Variants in ZFPM2 observed in about 807,000 individuals in gnomAD.
ZFPM2 encodes the protein zinc finger protein, FOG family member 2.
ZFPM2 carries 20 observed loss-of-function variants against 98.6 expected under a neutral mutation model. The observed-to-expected ratio is 0.20, with a 90% CI of 0.14 to 0.29. The LOEUF (loss-of-function observed/expected upper bound fraction) is 0.29, where lower values mean the gene tolerates loss of function less well. Ranked by LOEUF, ZFPM2 falls within the 10% of genes least tolerant of loss-of-function variation. ZFPM2 has a pLI of 1.00. For missense variants in ZFPM2, 1,310 were observed against 1,388.6 expected (o/e 0.94, Z 0.90); for synonymous variants, 518 against 502.7 (o/e 1.03, Z -0.41).
At position 105,802,171 on chromosome 8, in the gene ZFPM2, A is replaced by T. The variant is rs1206976886; in HGVS notation, c.2089A>T (p.Ser697Cys). 6.2e-7 allele frequency: 1 copy of T among 1,613,978 alleles called. No individual in the cohort carries two copies. ...TTCEACNITF[S>C]RHETYMVHKQ... ...CTGTGAAGCTTGCAACATTACCTTC[A>T]GCCGGCACGAAACATACATGGTCCA... The change falls in exon 8 of 8, where the codon AGC becomes TGC. Residue 697 changes from serine (S) to cysteine (C), a missense_variant. By Grantham distance (112) the Ser-to-Cys change is moderately radical (BLOSUM62 -1). Coordinates refer to ENST00000407775, the MANE Select transcript of ZFPM2 (RefSeq NM_012082.4).
At chr8:105,510,162 C>T (rs1169035009) in intron 3 of ZFPM2, among the ~76,000 whole-genome samples, 1 of 152,096 alleles carries the variant, frequency 6.6e-6, no homozygotes, top group Admixed American at 6.6e-5. Context: ...CCTTCTTTTT[C>T]CTTTGCTACA....
At chr8:105,683,185 A>G (rs1399072341) in intron 5 of ZFPM2, among the ~76,000 whole-genome samples, 1 of 152,032 alleles carries the variant, frequency 6.6e-6, no homozygotes, top group Non-Finnish European at 1.5e-5. Flanking sequence ...GGATTTCAAC[A>G]TAAGAATTTT....
intron 5 of ZFPM2, among the ~76,000 whole-genome samples, chr8:105,717,470 G>T (rs1409174530): frequency 6.6e-6 from 1 of 151,834 alleles, no homozygotes; most frequent in South Asian, 2.1e-4. Context: ...ATCTCTGATT[G>T]GTTATTTAGC....
At chr8:105,534,326 C>T (rs1256920566) in intron 3 of ZFPM2, among the ~76,000 whole-genome samples, 3 of 117,322 alleles carry the variant, frequency 2.6e-5, no homozygotes, top group Non-Finnish European at 5.1e-5. Context: ...TTCCTTCTTT[C>T]TCCCTCACTC....
intron 1 of ZFPM2, among the ~76,000 whole-genome samples, chr8:105,373,429 G>GT (rs1045012041): frequency 6.6e-6 from 1 of 151,832 alleles, no homozygotes; most frequent in African/African-American, 2.4e-5. Context: ...GAGTAAGATC[G>GT]TTTTTTTCTC....
At chr8:105,444,234 A>T in intron 2 of ZFPM2, 46 bp from the exon 3 acceptor site, 2 of 1,470,016 alleles carry the variant, frequency 1.4e-6, no homozygotes, top group Middle Eastern at 1.7e-4. Flanking sequence ...TGTGAAAGAG[A>T]GAGCTTTGCT....
intron 5 of ZFPM2, among the ~76,000 whole-genome samples, chr8:105,753,932 A>G (rs2131058252): frequency 6.6e-6 from 1 of 152,280 alleles, no homozygotes; most frequent in East Asian, 1.9e-4. Context: ...TATCATTGTT[A>G]GCATTTCTAG....
In ZFPM2 at chr8:105,571,300, G is replaced by T. The variant is rs141348856; in HGVS notation, c.420+9819G>T. Among the ~76,000 whole-genome samples the T allele has an allele frequency of 4.8e-3, 732 of 152,276 alleles. 5 individuals carry two copies. Among genetic ancestry groups the T allele is most frequent in the Non-Finnish European group, 8.5e-3 (580 of 68,012 alleles). ...ATCATGAAGGCCTAAGGTGGAAGTG[G>T]GTGGATATATAGCATCCCTGCCTCT... On this transcript the variant is annotated intron_variant, in intron 4 of 7. Coordinates refer to ENST00000407775, the MANE Select transcript of ZFPM2 (RefSeq NM_012082.4).
In ZFPM2 at chr8:105,352,553, C is replaced by T. The variant is rs192725832; in HGVS notation, c.40+33572C>T. 3.4e-3 allele frequency among the ~76,000 whole-genome samples: 519 copies of T among 150,912 alleles called. 2 individuals are homozygous for T. The highest frequency in any genetic ancestry group is 5.2e-3 in the Admixed American group (79 of 15,152). ...CATTGTTTTTTCAGTTCTTTTGGCA[C>T]GACTAAAAGACATCCAGAAGTTCCC... On this transcript the variant is annotated intron_variant, in intron 1 of 7. Transcript: ENST00000407775.
chr8:105,570,438 C>T (rs1000229259), intron 4 of ZFPM2, among the ~76,000 whole-genome samples: 19 of 151,710 alleles, frequency 1.3e-4, no homozygotes, highest in South Asian at 4.2e-4. Context: ...AATTAAACAC[C>T]GAAGAATTAT....
intron 5 of ZFPM2, among the ~76,000 whole-genome samples, chr8:105,761,286 A>G (rs530218114): frequency 6.6e-6 from 1 of 152,128 alleles, no homozygotes; most frequent in Admixed American, 6.6e-5. Flanking sequence ...GGAATGCTCT[A>G]TGTATTCTTT....
chr8:105,512,782 C>G (rs752510285), intron 3 of ZFPM2, among the ~76,000 whole-genome samples: 18 of 152,150 alleles, frequency 1.2e-4, no homozygotes, highest in Non-Finnish European at 2.5e-4. Flanking sequence ...TATAAGAAGA[C>G]AGTGGATTGC....
At chr8:105,399,111 T>A (rs1811282303) in intron 1 of ZFPM2, among the ~76,000 whole-genome samples, 1 of 152,210 alleles carries the variant, frequency 6.6e-6, no homozygotes, top group Non-Finnish European at 1.5e-5. Flanking sequence ...AGTTTGAGTT[T>A]ATCTCCAAGG....
intron 3 of ZFPM2, among the ~76,000 whole-genome samples, chr8:105,538,455 G>A (rs1245192957): frequency 6.6e-6 from 1 of 151,968 alleles, no homozygotes; most frequent in South Asian, 2.1e-4. Flanking sequence ...TTGAAATGTC[G>A]TTACTATCTC....
At chr8:105,663,609 C>T (rs1169652403) in intron 5 of ZFPM2, among the ~76,000 whole-genome samples, 3 of 152,108 alleles carry the variant, frequency 2.0e-5, no homozygotes, top group African/African-American at 4.8e-5. Flanking sequence ...ACTGATGAAG[C>T]ATATTGCACT....
intron 2 of ZFPM2, among the ~76,000 whole-genome samples, chr8:105,440,455 C>G (rs1263814791): frequency 6.6e-6 from 1 of 151,890 alleles, no homozygotes; most frequent in African/African-American, 2.4e-5. Flanking sequence ...TGACTGGCCC[C>G]AAATCATAAA....
intron 6 of ZFPM2, chr8:105,797,111 T>A (rs1363533233): frequency 6.6e-6 from 1 of 152,242 alleles, no homozygotes; most frequent in African/African-American, 2.4e-5. Context: ...TCTTCCTCTC[T>A]GCCACCCTTG....
chr8:105,513,492 C>T (rs1345116006), intron 3 of ZFPM2, among the ~76,000 whole-genome samples: 1 of 152,114 alleles, frequency 6.6e-6, no homozygotes, highest in African/African-American at 2.4e-5. Context: ...TAGTTAGTAT[C>T]CTAGATGTAG....
In ZFPM2 at chr8:105,803,692, TC is replaced by T; in HGVS notation, c.*156del. 1 of 714,480 alleles carries T rather than the reference TC, an allele frequency of 1.4e-6. No homozygotes were observed. Among genetic ancestry groups the T allele is most frequent in the Non-Finnish European group, 2.3e-6 (1 of 438,076 alleles). 44.3% of individuals were successfully genotyped at this position (714,480 alleles called of 1,614,324 possible). ...GACTTAAGGTGTAATTTCATTACAGTCCATTAGTAAAGTGTATTATTGGTGC... is the reference window on the plus strand; with the variant it reads ...GACTTAAGGTGTAATTTCATTACAGTCATTAGTAAAGTGTATTATTGGTGC... On this transcript the variant is annotated 3_prime_UTR_variant, in exon 8 of 8. Transcript: ENST00000407775.
Sources: gnomAD v4.1 joint callset for allele counts (sites outside exome capture counted in the v4.1 genomes callset) on GRCh38, gnomAD v4.1.1 for gene constraint, MANE v1.5 for transcripts, NCBI Gene and HGNC (gene_info 2026-07-23, HGNC 2026-07-21) for gene names.